Variants in AKAP6 observed in about 807,000 individuals in gnomAD.
AKAP6 encodes A-kinase anchoring protein 6.
In AKAP6, 58 loss-of-function variants were observed where a neutral mutation model predicts 188.5. The ratio of observed to expected loss-of-function variants is 0.31; its 90% CI spans 0.25 to 0.38. AKAP6 has a LOEUF of 0.38. Among genes scored for constraint, AKAP6 ranks in the 10% least tolerant of loss-of-function variants. The probability of loss-of-function intolerance (pLI) is 1.00; values close to 1 mark genes in which losing one functional copy is unlikely to be tolerated. For synonymous variants in AKAP6, 989 were observed against 998.6 expected, an observed-to-expected ratio of 0.99 and a Z score of 0.18; for missense variants, 2,710 against 2,740.0, an observed-to-expected ratio of 0.99 and a Z score of 0.24.
intron 7 of AKAP6, among the ~76,000 whole-genome samples, chr14:32,650,968 G>A (rs971304645): frequency 6.6e-6 from 1 of 152,078 alleles, no homozygotes; most frequent in Non-Finnish European, 1.5e-5. Context: ...TAAGCCGTAA[G>A]GTAAGACATA....
chr14:32,675,791 G>C (rs887074180), intron 7 of AKAP6, among the ~76,000 whole-genome samples: 1 of 152,170 alleles, frequency 6.6e-6, no homozygotes, highest in Admixed American at 6.5e-5. Context: ...ATTTTGTAAG[G>C]TGACTATTTT....
At chr14:32,542,631 C>A (rs1427641589) in intron 3 of AKAP6, among the ~76,000 whole-genome samples, 1 of 152,092 alleles carries the variant, frequency 6.6e-6, no homozygotes, top group Non-Finnish European at 1.5e-5. Context: ...AGGTTGGAAG[C>A]TTTCCAGGCA....
intron 9 of AKAP6, among the ~76,000 whole-genome samples, chr14:32,709,405 T>A (rs1465145024): frequency 6.6e-6 from 1 of 151,974 alleles, no homozygotes. Context: ...GGTGGACATC[T>A]CCCCAGTGCT....
intron 4 of AKAP6, among the ~76,000 whole-genome samples, chr14:32,551,308 A>G (rs770935681): frequency 3.9e-5 from 6 of 152,104 alleles, no homozygotes; most frequent in Non-Finnish European, 4.4e-5. Context: ...GCCGTGGCTC[A>G]TGCCTGTAAT....
In AKAP6 at chr14:32,776,326, A is replaced by G. The variant is rs138241691; in HGVS notation, c.3588+2433A>G. 8.8e-3 allele frequency among the ~76,000 whole-genome samples: 1,347 copies of G among 152,260 alleles called. 9 individuals are homozygous for G. Among genetic ancestry groups the G allele is most frequent in the Non-Finnish European group, 0.015 (1,015 of 68,026 alleles). ...CCATACTGTTCTCATGGTAGTGAAT[A>G]AGTCTCACTAGATCTGATGGTTTTA... On this transcript the variant is annotated intron_variant, in intron 12 of 13. Transcript: ENST00000280979.
chr14:32,658,687 T>A (rs890547716), intron 7 of AKAP6, among the ~76,000 whole-genome samples: 2 of 151,654 alleles, frequency 1.3e-5, no homozygotes, highest in Non-Finnish European at 2.9e-5. Context: ...ATTAACTGCA[T>A]TGAAAACTTA....
At chr14:32,377,815 G>A (rs189417332) in intron 1 of AKAP6, among the ~76,000 whole-genome samples, 1 of 152,250 alleles carries the variant, frequency 6.6e-6, no homozygotes, top group East Asian at 1.9e-4. Flanking sequence ...TTTAGAATGA[G>A]TCTGAGATTT....
At chr14:32,642,001 A>G (rs1949522013) in intron 7 of AKAP6, among the ~76,000 whole-genome samples, 2 of 152,218 alleles carry the variant, frequency 1.3e-5, no homozygotes, top group East Asian at 3.9e-4. Context: ...TATTTTTCCA[A>G]AAGTATAACA....
chr14:32,411,717 A>G (rs1321952282), intron 1 of AKAP6, among the ~76,000 whole-genome samples: 2 of 150,992 alleles, frequency 1.3e-5, no homozygotes, highest in African/African-American at 4.9e-5. Context: ...GCTTTCTTAG[A>G]TCTGCTAAAT....
At chr14:32,783,451 A>G (rs941898354) in intron 12 of AKAP6, among the ~76,000 whole-genome samples, 5 of 152,106 alleles carry the variant, frequency 3.3e-5, no homozygotes, top group African/African-American at 4.8e-5. Context: ...TTACATTGTA[A>G]TATGTATAAT....
At chr14:32,440,333 G>T (rs758511676) in intron 2 of AKAP6, among the ~76,000 whole-genome samples, 7 of 151,870 alleles carry the variant, frequency 4.6e-5, no homozygotes, top group Non-Finnish European at 7.4e-5. Context: ...CCTGTCATGG[G>T]GTGGGGGGAG....
In AKAP6 at chr14:32,696,059, G is replaced by A; in HGVS notation, c.2949G>A (p.Met983Ile). 6.2e-7 allele frequency: 1 copy of A among 1,612,822 alleles called. No homozygotes were observed. Among genetic ancestry groups the A allele is most frequent in the South Asian group, 1.1e-5 (1 of 90,814 alleles). The change falls in exon 9 of 14, where the codon ATG (methionine) becomes ATA (isoleucine). Residue 983 changes from methionine (M) to isoleucine (I), a missense_variant. By Grantham distance (10) the Met-to-Ile change is conservative. Transcript: ENST00000280979. Reference protein sequence around the residue: ...DWLIDMESLVMDSHDLMMSEE... With the variant: ...DWLIDMESLVIDSHDLMMSEE... ...TGATTGACATGGAGTCCCTTGTGAT[G>A]GACAGCCACGACCTGATGATGTCAG...
At chr14:32,641,483 AAAAAAG>A (rs1373171110) in intron 7 of AKAP6, among the ~76,000 whole-genome samples, 7 of 151,348 alleles carry the variant, frequency 4.6e-5, no homozygotes, top group Non-Finnish European at 7.4e-5. Context: ...AAAAAAAAAA[AAAAAAG>A]AAAAGAAAAG....
At chr14:32,734,864 A>G (rs527323537) in intron 10 of AKAP6, among the ~76,000 whole-genome samples, 67 of 152,264 alleles carry the variant, frequency 4.4e-4, no homozygotes, top group South Asian at 8.3e-4. Flanking sequence ...TTGTAGGTTT[A>G]ATGCATCATT....
Position 32,476,548 on chromosome 14 carries a change from C to A in AKAP6, c.324+42731C>A, listed in dbSNP as rs139445082. ...TGCAAGTCTCCTACTGGATTTTAGCCCTGTTTCCCATCGAATTTTATCTAG... is the reference window on the plus strand; with the variant it reads ...TGCAAGTCTCCTACTGGATTTTAGCACTGTTTCCCATCGAATTTTATCTAG... On this transcript the variant is annotated intron_variant, in intron 2 of 13. Transcript: ENST00000280979. Among the ~76,000 whole-genome samples the A allele has an allele frequency of 1.4e-4, 21 of 152,250 alleles. No individual in the cohort carries two copies. In the East Asian group the frequency reaches 3.3e-3, roughly 24 times the overall value.
At position 32,457,406 on chromosome 14, in the gene AKAP6, G is replaced by A. The variant is rs543848686; in HGVS notation, c.324+23589G>A. Among the ~76,000 whole-genome samples, 24 of 152,218 alleles carry A rather than the reference G, an allele frequency of 1.6e-4. No homozygotes were observed. The East Asian group carries it at 1.7e-3, about 11-fold the overall frequency. ...TCAAATGGCCCTGGTGTGGAATAGA[G>A]GTAACTCAGAATTAGAAACTTGCCT... is the stretch of plus-strand genomic sequence containing the variant. On this transcript the variant is annotated intron_variant, in intron 2 of 13. Coordinates refer to ENST00000280979, the MANE Select transcript of AKAP6 (RefSeq NM_004274.5).
rs534285114 is a variant in AKAP6, at chr14:32,612,420, A to G, written c.2730+11628A>G. The stretch of plus-strand genomic sequence containing the variant: ...TATAATATCCTTTTTAAAGCTAAAG[A>G]CAGAACCCTACTTTATCATCTCATC... On this transcript the variant is annotated intron_variant, in intron 7 of 13. Transcript: ENST00000280979. Among the ~76,000 whole-genome samples the G allele has an allele frequency of 7.9e-5, 12 of 152,308 alleles. No homozygotes were observed. In the East Asian group the frequency reaches 2.3e-3, roughly 29 times the overall value.
intron 1 of AKAP6, among the ~76,000 whole-genome samples, chr14:32,392,277 A>G (rs945784005): frequency 6.6e-6 from 1 of 152,228 alleles, no homozygotes; most frequent in Non-Finnish European, 1.5e-5. Flanking sequence ...AATTAAGTAA[A>G]TATATTGCAG....
chr14:32,729,882 C>T (rs2031088529), intron 9 of AKAP6, among the ~76,000 whole-genome samples: 1 of 152,118 alleles, frequency 6.6e-6, no homozygotes, highest in African/African-American at 2.4e-5. Flanking sequence ...ATGGGGCAGC[C>T]TCTGCTCACT....
Sources: gnomAD v4.1 joint callset for allele counts (sites outside exome capture counted in the v4.1 genomes callset) on GRCh38, gnomAD v4.1.1 for gene constraint, MANE v1.5 for transcripts, NCBI Gene and HGNC (gene_info 2026-07-23, HGNC 2026-07-21) for gene names.